The following WWOX variants were observed in gnomAD, a reference collection of about 807,000 sequenced individuals.
WWOX encodes the protein WW domain-containing oxidoreductase.
A neutral mutation model predicts 46.2 loss-of-function variants in WWOX; 69 were observed. The ratio of observed to expected loss-of-function variants is 1.49; its 90% confidence interval spans 1.23 to 1.82. WWOX has a LOEUF of 1.82. Ranked by LOEUF, WWOX falls within the 40% of genes most tolerant of loss-of-function variation. WWOX has a pLI of 0.00. For synonymous variants in WWOX, 359 were observed against 202.6 expected, an observed-to-expected ratio of 1.77 and a Z score of -6.56; for missense variants, 919 against 542.6, an observed-to-expected ratio of 1.69 and a Z score of -6.89.
At chr16:78,913,790 T>G (rs2045174451) in intron 8 of WWOX, among the ~76,000 whole-genome samples, 1 of 151,842 alleles carries the variant, frequency 6.6e-6, no homozygotes, top group East Asian at 1.9e-4. Context: ...GCCTCCTGAA[T>G]AGCTGGGACT....
chr16:78,438,354 G>A (rs2083377145), intron 8 of WWOX, among the ~76,000 whole-genome samples: 1 of 152,052 alleles, frequency 6.6e-6, no homozygotes, highest in African/African-American at 2.4e-5. Context: ...CCAATGCACG[G>A]TAATGCCCCT....
At chr16:79,119,608 T>C (rs1478693405) in intron 8 of WWOX, among the ~76,000 whole-genome samples, 2 of 152,204 alleles carry the variant, frequency 1.3e-5, no homozygotes, top group East Asian at 3.9e-4. Context: ...AAGGCATGGA[T>C]TCAATAATGT....
chr16:79,028,723 ACTT>A lies in WWOX; in HGVS notation c.1057-182881_1057-182879del, dbSNP rs570647666. 1.6e-4 allele frequency among the ~76,000 whole-genome samples: 24 copies of A among 151,856 alleles called. No individual in the cohort carries two copies. In the East Asian group the frequency reaches 4.1e-3, roughly 26 times the overall value. On this transcript the variant is annotated intron_variant, in intron 8 of 8. Transcript: ENST00000566780. ...CAAATTGAATAAATTTACTCTCTAA[ACTT>A]CTTTCCACAAGAGTAGGTTTATAAT...
At chr16:78,127,057 G>C (rs12931246) in intron 4 of WWOX, among the ~76,000 whole-genome samples, 16,555 of 152,206 alleles carry the variant, frequency 0.11, 1,128 homozygotes, top group Non-Finnish European at 0.16. Context: ...AGATGTAGGA[G>C]AGGAACACTG....
At chr16:78,913,414 C>T (rs1022570160) in intron 8 of WWOX, among the ~76,000 whole-genome samples, 10 of 151,880 alleles carry the variant, frequency 6.6e-5, no homozygotes, top group African/African-American at 2.2e-4. Flanking sequence ...TCAACCTGAC[C>T]TGTAAAAACC....
chr16:79,046,281 C>G (rs1216515763), intron 8 of WWOX, among the ~76,000 whole-genome samples: 1 of 152,174 alleles, frequency 6.6e-6, no homozygotes, highest in African/African-American at 2.4e-5. Flanking sequence ...CTGTAAAGCT[C>G]TCAGCCCAGG....
intron 8 of WWOX, among the ~76,000 whole-genome samples, chr16:78,631,088 A>AT (rs2046417744): frequency 6.6e-6 from 1 of 152,152 alleles, no homozygotes; most frequent in African/African-American, 2.4e-5. Flanking sequence ...AGTGTACAGG[A>AT]GCATCACATA....
At chr16:78,443,276 G>C (rs966306069) in intron 8 of WWOX, among the ~76,000 whole-genome samples, 2 of 151,850 alleles carry the variant, frequency 1.3e-5, no homozygotes, top group Non-Finnish European at 2.9e-5. Context: ...CTGCACTCCA[G>C]CCTGGGTGAC....
At chr16:78,450,435 A>T (rs1715930265) in intron 8 of WWOX, among the ~76,000 whole-genome samples, 1 of 152,080 alleles carries the variant, frequency 6.6e-6, no homozygotes, top group South Asian at 2.1e-4. Context: ...GGGAATAATA[A>T]ACAGTCAGAG....
intron 6 of WWOX, among the ~76,000 whole-genome samples, chr16:78,419,625 CAAAAAA>C (rs60762734): frequency 2.2e-3 from 100 of 44,694 alleles, no homozygotes; most frequent in South Asian, 4.6e-3. Context: ...CAAAAAATAG[CAAAAAA>C]AAAAAAAAAA....
At chr16:78,743,680 C>G (rs140000198) in intron 8 of WWOX, among the ~76,000 whole-genome samples, 12 of 152,262 alleles carry the variant, frequency 7.9e-5, no homozygotes, top group African/African-American at 2.9e-4. Context: ...TTGCTTTCCA[C>G]GACCATTCAG....
At chr16:79,170,171 C>T (rs1016039564) in intron 8 of WWOX, among the ~76,000 whole-genome samples, 2 of 152,158 alleles carry the variant, frequency 1.3e-5, no homozygotes, top group Admixed American at 1.3e-4. Flanking sequence ...CCATGTTTTT[C>T]CAGTGGAAAT....
chr16:78,496,293 A>G (rs1052565081), intron 8 of WWOX: 5 of 152,300 alleles, frequency 3.3e-5, no homozygotes, highest in Admixed American at 3.3e-4. Context: ...AATCAAGCAT[A>G]TGTTTGCAGT....
chr16:78,969,897 C>T (rs546811455), intron 8 of WWOX, among the ~76,000 whole-genome samples: 1 of 152,210 alleles, frequency 6.6e-6, no homozygotes, highest in South Asian at 2.1e-4. Flanking sequence ...AGGATTCCTT[C>T]TAAAGCAATA....
intron 8 of WWOX, among the ~76,000 whole-genome samples, chr16:78,866,654 T>C (rs1278576415): frequency 6.6e-6 from 1 of 152,220 alleles, no homozygotes; most frequent in Non-Finnish European, 1.5e-5. Context: ...GGTGTTTTTG[T>C]TGCCCTGGCT....
intron 5 of WWOX, among the ~76,000 whole-genome samples, chr16:78,200,114 T>A (rs1167511378): frequency 2.0e-5 from 3 of 152,132 alleles, no homozygotes; most frequent in East Asian, 1.9e-4. Flanking sequence ...TTACTGAGTG[T>A]CGCCAAGAGA....
intron 3 of WWOX, among the ~76,000 whole-genome samples, chr16:78,111,216 C>T (rs754369191): frequency 4.6e-5 from 7 of 151,458 alleles, no homozygotes; most frequent in African/African-American, 1.7e-4. Flanking sequence ...ACCTAGGTGC[C>T]GAGGCAAGAG....
At chr16:79,070,650 G>C (rs1230364088) in intron 8 of WWOX, among the ~76,000 whole-genome samples, 1 of 152,192 alleles carries the variant, frequency 6.6e-6, no homozygotes, top group Non-Finnish European at 1.5e-5. Flanking sequence ...TTCAGGGCGT[G>C]AGAGGGTATG....
At chr16:78,407,873 A>T (rs2082585958) in intron 6 of WWOX, among the ~76,000 whole-genome samples, 1 of 152,236 alleles carries the variant, frequency 6.6e-6, no homozygotes, top group South Asian at 2.1e-4. Context: ...GACATTGATT[A>T]CTGTCTACTG....
Sources: gnomAD v4.1 joint callset for allele counts (sites outside exome capture counted in the v4.1 genomes callset) on GRCh38, gnomAD v4.1.1 for gene constraint, MANE v1.5 for transcripts, NCBI Gene and HGNC (gene_info 2026-07-23, HGNC 2026-07-21) for gene names.